Variants in LHX4 observed in about 807,000 individuals in gnomAD.
LHX4 encodes LIM homeobox 4.
In LHX4, 16 loss-of-function variants were observed where a neutral mutation model predicts 39.2. That is an observed-to-expected ratio of 0.41 (90% CI 0.28 to 0.62). The LOEUF (loss-of-function observed/expected upper bound fraction) is 0.62, where lower values mean the gene tolerates loss of function less well. LHX4 is among the 20% of genes least tolerant of loss of function. The pLI, the probability that LHX4 is intolerant of heterozygous loss-of-function variation, is 0.33. For synonymous variants in LHX4, 206 were observed against 198.1 expected (o/e 1.04, Z -0.33); for missense variants, 439 against 511.9 (o/e 0.86, Z 1.37).
intron 1 of LHX4, among the ~76,000 whole-genome samples, chr1:180,231,026 T>C (rs1342424228): frequency 6.6e-6 from 1 of 151,576 alleles, no homozygotes; most frequent in Non-Finnish European, 1.5e-5. Flanking sequence ...TGGCGGGAAG[T>C]TGGAGAGCGC....
chr1:180,271,577 C>CG, intron 4 of LHX4, 43 bp downstream of exon 4: 2 of 1,610,460 alleles, frequency 1.2e-6, no homozygotes, highest in South Asian at 2.2e-5. Flanking sequence ...ATCCCAGGCC[C>CG]GGGACAGGGG....
chr1:180,228,662 C>T (rs1313875954), upstream of LHX4, among the ~76,000 whole-genome samples: 1 of 152,114 alleles, frequency 6.6e-6, no homozygotes, highest in Non-Finnish European at 1.5e-5. Flanking sequence ...CGCAGGTAAA[C>T]AAGGGAAGAG....
intron 2 of LHX4, among the ~76,000 whole-genome samples, chr1:180,260,565 C>A (rs1281816992): frequency 6.6e-6 from 1 of 151,852 alleles, no homozygotes; most frequent in African/African-American, 2.4e-5. Flanking sequence ...TCCTGGGGTC[C>A]AGAGTGGCCC....
At chr1:180,263,856 G>A (rs1434397651) in intron 2 of LHX4, among the ~76,000 whole-genome samples, 3 of 152,118 alleles carry the variant, frequency 2.0e-5, no homozygotes, top group Non-Finnish European at 4.4e-5. Context: ...CTGTTCCGGG[G>A]TCTCCTCTCA....
At chr1:180,245,909 C>T (rs1324798595) in intron 1 of LHX4, among the ~76,000 whole-genome samples, 1 of 152,256 alleles carries the variant, frequency 6.6e-6, no homozygotes, top group Non-Finnish European at 1.5e-5. Context: ...ACCCCTGTGG[C>T]CGTCATTGTT....
At chr1:180,239,241 C>A (rs924919657) in intron 1 of LHX4, among the ~76,000 whole-genome samples, 1 of 152,214 alleles carries the variant, frequency 6.6e-6, no homozygotes, top group Non-Finnish European at 1.5e-5. Context: ...ATGAGCCCCC[C>A]ACTGACAGTA....
upstream of LHX4, among the ~76,000 whole-genome samples, chr1:180,229,294 G>C (rs929510212): frequency 6.6e-6 from 1 of 152,238 alleles, no homozygotes; most frequent in African/African-American, 2.4e-5. Context: ...ACCTAAGACA[G>C]GGCCGAGCTG....
In LHX4 at chr1:180,271,514, C is replaced by T. The variant is rs745677990; in HGVS notation, c.586C>T (p.Leu196=). ...GGAGCAGCTGTCCTCAGAGACAGGC[C>T]TGGACATGAGGGTCGTACAGGTGAG... ...VREQLSSETG[L]DMRVVQVWFQ... The change falls in exon 4 of 6, where the codon CTG becomes TTG. Residue 196 remains leucine, a synonymous_variant. Coordinates refer to ENST00000263726, the MANE Select transcript of LHX4 (RefSeq NM_033343.4). 2 of 1,614,150 alleles carry T rather than the reference C, an allele frequency of 1.2e-6. No individual in the cohort carries two copies. Among genetic ancestry groups the T allele is most frequent in the Non-Finnish European group, 1.7e-6 (2 of 1,180,034 alleles).
At chr1:180,250,891 C>T (rs1220048457) in intron 2 of LHX4, among the ~76,000 whole-genome samples, 2 of 152,210 alleles carry the variant, frequency 1.3e-5, no homozygotes, top group Non-Finnish European at 2.9e-5. Flanking sequence ...GGGATCCCCA[C>T]AGGCCTATGA....
At chr1:180,269,138 TGTGG>T (rs1648470046) in intron 3 of LHX4, among the ~76,000 whole-genome samples, 1 of 12,632 alleles carries the variant, frequency 7.9e-5, no homozygotes, top group Non-Finnish European at 1.3e-4. Flanking sequence ...ATGTAGAGTG[TGTGG>T]GGGGGGGGGT....
intron 1 of LHX4, among the ~76,000 whole-genome samples, chr1:180,244,608 C>T (rs1021179621): frequency 6.6e-6 from 1 of 152,186 alleles, no homozygotes; most frequent in Non-Finnish European, 1.5e-5. Flanking sequence ...GGCATATATC[C>T]TCACCCTCAT....
In LHX4 at chr1:180,274,260, TAATG is replaced by T. The variant is rs764863971; in HGVS notation, c.859_862del (p.Asn287GlyfsTer15). 6.2e-7 allele frequency: 1 copy of T among 1,614,240 alleles called. No homozygotes were observed. On this transcript the variant is annotated frameshift_variant, in exon 6 of 6. Transcript: ENST00000263726. LOFTEE classifies it high-confidence loss of function. ...GTGGGGGACGTTACAGGCGGACAGT[TAATG>T]AATGGGAGCTTCTCCATGGACGGGA...
intron 1 of LHX4, among the ~76,000 whole-genome samples, chr1:180,244,071 G>A (rs1329158649): frequency 6.6e-6 from 1 of 152,180 alleles, no homozygotes; most frequent in Non-Finnish European, 1.5e-5. Flanking sequence ...TCTGTAAAAT[G>A]GGGATGATAA....
At chr1:180,248,783 G>A in intron 2 of LHX4, 1 of 392,110 alleles carries the variant, frequency 2.6e-6, no homozygotes, top group Middle Eastern at 8.3e-4. Flanking sequence ...AACAGAAAGA[G>A]TTGCTCTTTC....
At chr1:180,264,053 T>G (rs1339718013) in intron 2 of LHX4, among the ~76,000 whole-genome samples, 1 of 152,110 alleles carries the variant, frequency 6.6e-6, no homozygotes, top group African/African-American at 2.4e-5. Flanking sequence ...AGCCTCAACC[T>G]CCCTGGGCTC....
chr1:180,234,117 A>G lies in LHX4; in HGVS notation c.76+3512A>G, dbSNP rs1408253402. On this transcript the variant is annotated intron_variant, in intron 1 of 5. Transcript: ENST00000263726. The surrounding 1 kb of genome is among the most constrained non-coding windows in gnomAD (Gnocchi z 4.8). ...GCTGGTGCTGTTCGCTCTTCTTTCC[A>G]TTCCTGCCTTGTCTCCTAGTGCGAG... Among the ~76,000 whole-genome samples, 1 of 139,554 alleles carries G rather than the reference A, an allele frequency of 7.2e-6. No individual in the cohort carries two copies. The highest frequency in any genetic ancestry group is 1.5e-5 in the Non-Finnish European group (1 of 64,924). 91.6% of individuals were successfully genotyped at this position (139,554 alleles called of 152,430 possible).
At chr1:180,273,467 T>C (rs1209655686) in intron 5 of LHX4, 3 of 152,618 alleles carry the variant, frequency 2.0e-5, no homozygotes, top group Non-Finnish European at 4.4e-5. Context: ...GACCTATCAT[T>C]GGTTTCTCTG....
chr1:180,229,076 G>A (rs993526703), upstream of LHX4, among the ~76,000 whole-genome samples: 8 of 152,354 alleles, frequency 5.3e-5, no homozygotes, highest in South Asian at 2.1e-4. Flanking sequence ...GCCTTCTGTT[G>A]TATTTCTGCC....
intron 1 of LHX4, among the ~76,000 whole-genome samples, chr1:180,240,794 A>C (rs1025758567): frequency 6.6e-6 from 1 of 152,212 alleles, no homozygotes; most frequent in Non-Finnish European, 1.5e-5. Context: ...GAAACCATTA[A>C]TGGAGGAATT....
Sources: gnomAD v4.1 joint callset for allele counts (sites outside exome capture counted in the v4.1 genomes callset) on GRCh38, gnomAD v4.1.1 for gene constraint, Gnocchi (gnomAD v3.1) non-coding constraint, MANE v1.5 for transcripts, NCBI Gene and HGNC (gene_info 2026-07-23, HGNC 2026-07-21) for gene names.